Variants in TRIM44 observed in about 807,000 individuals in gnomAD.
TRIM44 encodes tripartite motif containing 44.
In TRIM44, 13 loss-of-function variants were observed where a neutral mutation model predicts 37.4. The observed-to-expected ratio is 0.35, with a 90% confidence interval of 0.23 to 0.55. TRIM44 has a LOEUF of 0.55. Among genes scored for constraint, TRIM44 ranks in the 20% least tolerant of loss-of-function variants. TRIM44 has a pLI of 0.89. For synonymous variants in TRIM44, 175 were observed against 157.2 expected (o/e 1.11, Z -0.85); for missense variants, 426 against 437.2 (o/e 0.97, Z 0.23).
intron 3 of TRIM44, among the ~76,000 whole-genome samples, chr11:35,727,762 C>T (rs1852198617): frequency 6.6e-6 from 1 of 152,164 alleles, no homozygotes. Flanking sequence ...AGATTTAAGT[C>T]TGTGCTATTT....
chr11:35,730,465 A>T (rs1852242585), intron 3 of TRIM44, among the ~76,000 whole-genome samples: 1 of 152,232 alleles, frequency 6.6e-6, no homozygotes, highest in Non-Finnish European at 1.5e-5. Flanking sequence ...TGGCTGAAAG[A>T]CATAAACCTA....
At chr11:35,778,098 A>G (rs1162821131) in intron 4 of TRIM44, among the ~76,000 whole-genome samples, 1 of 152,186 alleles carries the variant, frequency 6.6e-6, no homozygotes, top group Non-Finnish European at 1.5e-5. Flanking sequence ...TACACCAATC[A>G]GATGTAGATT....
chr11:35,704,829 G>A (rs1851851965), intron 2 of TRIM44, among the ~76,000 whole-genome samples: 2 of 152,140 alleles, frequency 1.3e-5, no homozygotes, highest in African/African-American at 2.4e-5. Flanking sequence ...AAAGACCATC[G>A]ATGCTCGGAA....
At chr11:35,793,249 G>C (rs995112867) in intron 4 of TRIM44, among the ~76,000 whole-genome samples, 1 of 152,058 alleles carries the variant, frequency 6.6e-6, no homozygotes, top group Non-Finnish European at 1.5e-5. Flanking sequence ...TTGGGGCCAG[G>C]CATAATGGCT....
chr11:35,756,583 C>T (rs1487499429), intron 4 of TRIM44, among the ~76,000 whole-genome samples: 3 of 152,004 alleles, frequency 2.0e-5, no homozygotes, highest in African/African-American at 4.8e-5. Context: ...TGTCTTGTGC[C>T]AGTTTTCAAA....
chr11:35,767,243 T>TA (rs776767457), intron 4 of TRIM44, among the ~76,000 whole-genome samples: 3 of 152,202 alleles, frequency 2.0e-5, no homozygotes, highest in Non-Finnish European at 4.4e-5. Context: ...AATGGGCTGT[T>TA]ATCGGGGTGC....
At chr11:35,711,205 C>G (rs545377438) in intron 2 of TRIM44, among the ~76,000 whole-genome samples, 6 of 152,242 alleles carry the variant, frequency 3.9e-5, no homozygotes, top group Admixed American at 3.9e-4. Context: ...TGAATTATAT[C>G]TCAATAAAAC....
intron 1 of TRIM44, among the ~76,000 whole-genome samples, chr11:35,673,195 T>C (rs2135484575): frequency 6.6e-6 from 1 of 152,172 alleles, no homozygotes; most frequent in African/African-American, 2.4e-5. Flanking sequence ...TAAGAATGAG[T>C]TGGTGTGGCA....
chr11:35,689,092 G>A (rs1564952079), intron 2 of TRIM44, among the ~76,000 whole-genome samples: 1 of 152,166 alleles, frequency 6.6e-6, no homozygotes, highest in Non-Finnish European at 1.5e-5. Flanking sequence ...CTAAAAGGAC[G>A]GGACTGCTTT....
At chr11:35,745,543 TGA>T (rs1200808392) in intron 4 of TRIM44, among the ~76,000 whole-genome samples, 2 of 152,200 alleles carry the variant, frequency 1.3e-5, no homozygotes, top group Non-Finnish European at 2.9e-5. Context: ...CAGCTTTAAG[TGA>T]AATGATGTAT....
At chr11:35,703,913 T>C (rs1325188313) in intron 2 of TRIM44, among the ~76,000 whole-genome samples, 3 of 152,180 alleles carry the variant, frequency 2.0e-5, no homozygotes. Flanking sequence ...GGATGGAGAA[T>C]GACTTTGACG....
chr11:35,754,913 AT>A (rs1345916927), intron 4 of TRIM44, among the ~76,000 whole-genome samples: 41 of 152,290 alleles, frequency 2.7e-4, no homozygotes, highest in African/African-American at 9.9e-4. Context: ...GTTGTTGGAC[AT>A]TTGGATTGGT....
intron 1 of TRIM44, among the ~76,000 whole-genome samples, chr11:35,677,203 G>A (rs1247055099): frequency 1.3e-5 from 2 of 152,138 alleles, no homozygotes; most frequent in Non-Finnish European, 2.9e-5. Context: ...GCCTGACAAA[G>A]TACATATTCT....
chr11:35,760,254 C>CAGCACAGCTA (rs1367078534), intron 4 of TRIM44, among the ~76,000 whole-genome samples: 2 of 152,164 alleles, frequency 1.3e-5, no homozygotes, highest in African/African-American at 4.8e-5. Flanking sequence ...GCTGTGCTAG[C>CAGCACAGCTA]AATCAGCGAG....
intron 4 of TRIM44, among the ~76,000 whole-genome samples, chr11:35,767,761 A>G (rs777097828): frequency 2.6e-5 from 4 of 152,196 alleles, no homozygotes; most frequent in Non-Finnish European, 5.9e-5. Context: ...TGACCTTGGG[A>G]AATTACTTAA....
rs1216030935 is a variant in TRIM44 at position 35,815,211 on chromosome 11, G to A, written c.*8826G>A. 2.0e-5 allele frequency: 3 copies of A among 152,188 alleles called. No individual in the cohort carries two copies. Among genetic ancestry groups the A allele is most frequent in the Non-Finnish European group, 4.4e-5 (3 of 68,026 alleles). The allele number at this position is 152,188 out of a possible 1,614,324, so 9.4% of individuals were successfully genotyped here. A position where few individuals can be genotyped will look rare whatever the true frequency, so the allele number is the denominator to read the frequency against. On this transcript the variant is annotated 3_prime_UTR_variant, in exon 5 of 5. Transcript: ENST00000299413. ...CCAAGTATGGTTCTCTGGCTTGAGGGTGGCCATTTGTTGCCTCACTGTTTT... is the reference window on the plus strand; with the variant it reads ...CCAAGTATGGTTCTCTGGCTTGAGGATGGCCATTTGTTGCCTCACTGTTTT...
chr11:35,788,400 T>A (rs1378681708), intron 4 of TRIM44, among the ~76,000 whole-genome samples: 1 of 152,108 alleles, frequency 6.6e-6, no homozygotes, highest in Admixed American at 6.5e-5. Context: ...GTACTGTTCT[T>A]TACCAAAGGG....
chr11:35,790,100 A>G (rs1483650174), intron 4 of TRIM44, among the ~76,000 whole-genome samples: 1 of 152,168 alleles, frequency 6.6e-6, no homozygotes, highest in East Asian at 1.9e-4. Flanking sequence ...CTTATGCCCT[A>G]GTCCTGACCC....
At position 35,805,992 on chromosome 11, in the gene TRIM44, A is replaced by C. The variant is rs1265692745; in HGVS notation, c.1008-366A>C. Among the ~76,000 whole-genome samples, 3 of 152,292 alleles carry C rather than the reference A, an allele frequency of 2.0e-5. No individual in the cohort carries two copies. In the East Asian group the frequency reaches 5.8e-4, roughly 29 times the overall value. ...TGGCTTAAGGCTTAGAGGAAATCAT[A>C]CACCTGATTTTTACCAGCAATTTAT... On this transcript the variant is annotated intron_variant, in intron 4 of 4. Transcript: ENST00000299413.
Sources: gnomAD v4.1 joint callset for allele counts (sites outside exome capture counted in the v4.1 genomes callset) on GRCh38, gnomAD v4.1.1 for gene constraint, MANE v1.5 for transcripts, NCBI Gene and HGNC (gene_info 2026-07-23, HGNC 2026-07-21) for gene names.